GPC6: variants seen among roughly 807,000 people sequenced by gnomAD.
The protein encoded by GPC6 is glypican 6, also known as glypican-6.
Under a neutral mutation model 55.2 loss-of-function variants are expected in GPC6, and 14 were observed. The observed-to-expected ratio is 0.25, with a 90% CI of 0.17 to 0.40. The LOEUF is 0.40. Among genes scored for constraint, GPC6 ranks in the 10% least tolerant of loss-of-function variants. GPC6 has a pLI of 1.00. For synonymous variants in GPC6, 278 were observed against 259.6 expected (o/e 1.07, Z -0.68); for missense variants, 641 against 708.5 (o/e 0.90, Z 1.08).
At chr13:94,348,481 A>G (rs12876549) in intron 6 of GPC6, among the ~76,000 whole-genome samples, 29,229 of 152,198 alleles carry the variant, frequency 0.19, 2,902 homozygotes, top group Admixed American at 0.24. Context: ...GATAAGGCCA[A>G]TGCTGCTAGT....
intron 4 of GPC6, among the ~76,000 whole-genome samples, chr13:94,048,390 G>A (rs1408884788): frequency 1.3e-5 from 2 of 151,856 alleles, no homozygotes; most frequent in African/African-American, 4.8e-5. Flanking sequence ...AAGAAACCAG[G>A]ATAAATGAAG....
chr13:93,359,359 C>A (rs373656996), intron 1 of GPC6, among the ~76,000 whole-genome samples: 1 of 152,142 alleles, frequency 6.6e-6, no homozygotes, highest in Non-Finnish European at 1.5e-5. Flanking sequence ...AGCTCTGTTA[C>A]CTCAAGGAGG....
At chr13:94,210,954 G>A (rs140426746) in intron 4 of GPC6, among the ~76,000 whole-genome samples, 33 of 152,246 alleles carry the variant, frequency 2.2e-4, no homozygotes, top group African/African-American at 6.3e-4. Flanking sequence ...ATCAGAAACC[G>A]TCGCAGTTAA....
chr13:94,315,854 G>T lies in GPC6; in HGVS notation c.1152+9731G>T, dbSNP rs1876492105. Among the ~76,000 whole-genome samples the T allele has an allele frequency of 2.0e-5, 3 of 152,186 alleles. No homozygotes were observed. The South Asian group carries it at 6.2e-4, about 32-fold the overall frequency. ...ACTCACAACACTTTAGGGCAAACTT[G>T]TCCAACCCACAGCCCATGGCCTGCA... is the stretch of plus-strand genomic sequence containing the variant. On this transcript the variant is annotated intron_variant, in intron 6 of 8. Coordinates refer to ENST00000377047, the MANE Select transcript of GPC6 (RefSeq NM_005708.5).
chr13:94,398,321 AT>A (rs58743407), intron 7 of GPC6, 144 bp from the exon 8 acceptor site: 34,732 of 663,468 alleles, frequency 0.052, 2,799 homozygotes, highest in African/African-American at 0.29. Flanking sequence ...ACTATTTGGC[AT>A]TTTTTTTCCA....
At chr13:94,133,917 A>G (rs1887093728) in intron 4 of GPC6, among the ~76,000 whole-genome samples, 1 of 152,112 alleles carries the variant, frequency 6.6e-6, no homozygotes, top group African/African-American at 2.4e-5. Context: ...CACACAATGA[A>G]TACACAAAAA....
intron 3 of GPC6, among the ~76,000 whole-genome samples, chr13:94,013,233 T>C (rs1001131414): frequency 3.9e-5 from 6 of 152,116 alleles, no homozygotes; most frequent in Non-Finnish European, 7.4e-5. Flanking sequence ...TATATATATA[T>C]ATATGTCCGT....
At chr13:93,373,077 G>T (rs552906821) in intron 1 of GPC6, among the ~76,000 whole-genome samples, 1 of 152,316 alleles carries the variant, frequency 6.6e-6, no homozygotes, top group African/African-American at 2.4e-5. Context: ...CCTCTGTGGT[G>T]TATAATAGTA....
intron 4 of GPC6, among the ~76,000 whole-genome samples, chr13:94,040,230 T>G (rs1050769637): frequency 6.6e-6 from 1 of 151,816 alleles, no homozygotes; most frequent in Admixed American, 6.6e-5. Flanking sequence ...AGGCATTCAT[T>G]TCCTTCACTG....
At chr13:93,315,388 T>C (rs1268152994) in intron 1 of GPC6, among the ~76,000 whole-genome samples, 2 of 151,904 alleles carry the variant, frequency 1.3e-5, no homozygotes, top group Non-Finnish European at 2.9e-5. Flanking sequence ...TGGAAGAAAA[T>C]AAGTTTAGAA....
intron 5 of GPC6, among the ~76,000 whole-genome samples, chr13:94,288,832 T>TTATATATATTAGTTA (rs373813396): frequency 4.5e-4 from 18 of 40,108 alleles, no homozygotes; most frequent in Admixed American, 2.7e-3. Flanking sequence ...TATATATTTG[T>TTATATATATTAGTTA]TATATATAAC....
At chr13:93,869,116 A>G (rs1322041752) in intron 3 of GPC6, among the ~76,000 whole-genome samples, 3 of 151,842 alleles carry the variant, frequency 2.0e-5, no homozygotes, top group Non-Finnish European at 2.9e-5. Context: ...GCCCTTTAAT[A>G]CTGCACACCA....
intron 1 of GPC6, among the ~76,000 whole-genome samples, chr13:93,401,427 A>G (rs1876072593): frequency 6.6e-6 from 1 of 152,116 alleles, no homozygotes; most frequent in Non-Finnish European, 1.5e-5. Context: ...AAAACACTGC[A>G]TTAAACCAGA....
At chr13:93,234,989 G>C (rs147415961) in intron 1 of GPC6, among the ~76,000 whole-genome samples, 2 of 152,026 alleles carry the variant, frequency 1.3e-5, no homozygotes, top group Admixed American at 1.3e-4. Flanking sequence ...TGAAATTTAA[G>C]TCACAGTACT....
chr13:93,920,783 A>G (rs925754373), intron 3 of GPC6, among the ~76,000 whole-genome samples: 1 of 152,168 alleles, frequency 6.6e-6, no homozygotes, highest in Non-Finnish European at 1.5e-5. Context: ...CATTCTGTCC[A>G]GGGCTACCTA....
rs147574956 is a variant in GPC6, at chr13:94,232,207, T to C, written c.878-54142T>C. 2.9e-3 allele frequency among the ~76,000 whole-genome samples: 438 copies of C among 152,370 alleles called. 3 individuals are homozygous for C. Among genetic ancestry groups the C allele is most frequent in the African/African-American group, 9.6e-3 (400 of 41,590 alleles). Reference sequence around the variant, plus strand: ...ATTCCTAAAAAGTATTCCTTTCATATGACCATGTTTAGCTTAGTTCTCACT... The same window carrying C: ...ATTCCTAAAAAGTATTCCTTTCATACGACCATGTTTAGCTTAGTTCTCACT... On this transcript the variant is annotated intron_variant, in intron 4 of 8. Coordinates refer to ENST00000377047, the MANE Select transcript of GPC6 (RefSeq NM_005708.5).
At chr13:93,352,133 T>C (rs1880653119) in intron 1 of GPC6, among the ~76,000 whole-genome samples, 1 of 152,138 alleles carries the variant, frequency 6.6e-6, no homozygotes, top group Non-Finnish European at 1.5e-5. Context: ...TTTGAGGTGA[T>C]AAGAATATTT....
At chr13:93,803,504 C>T (rs565894021) in intron 2 of GPC6, among the ~76,000 whole-genome samples, 16 of 152,220 alleles carry the variant, frequency 1.1e-4, no homozygotes, top group Admixed American at 7.9e-4. Flanking sequence ...AATGATACAG[C>T]TCCTACAAAA....
At chr13:93,578,052 A>G (rs1346731979) in intron 2 of GPC6, among the ~76,000 whole-genome samples, 4 of 152,146 alleles carry the variant, frequency 2.6e-5, no homozygotes, top group Admixed American at 6.6e-5. Flanking sequence ...TATGAATCCC[A>G]GTTGATCCTA....
Sources: allele counts gnomAD v4.1 joint callset (sites outside exome capture counted in the v4.1 genomes callset), GRCh38; gene constraint gnomAD v4.1.1; transcripts MANE v1.5; gene names NCBI Gene and HGNC (gene_info 2026-07-23, HGNC 2026-07-21).